The following GRIK4 variants were observed in gnomAD, a reference collection of about 807,000 sequenced individuals.
The protein encoded by GRIK4 is glutamate receptor ionotropic, kainate 4.
In GRIK4, 40 loss-of-function variants were observed where a neutral mutation model predicts 104.9. The ratio of observed to expected loss-of-function variants is 0.38; its 90% CI spans 0.30 to 0.50. GRIK4 has a LOEUF of 0.50. GRIK4 is among the 20% of genes least tolerant of loss of function. The probability of loss-of-function intolerance (pLI) is 0.93; values close to 1 mark genes in which losing one functional copy is unlikely to be tolerated. For missense variants in GRIK4, 1,047 were observed against 1,308.1 expected (o/e 0.80, Z 3.08); for synonymous variants, 485 against 524.9 (o/e 0.92, Z 1.04).
intron 4 of GRIK4, 63 bp from the exon 5 acceptor site, chr11:120,815,315 C>A: frequency 1.1e-6 from 1 of 929,812 alleles, no homozygotes; most frequent in East Asian, 2.7e-5. Flanking sequence ...AGGACTGGGC[C>A]ATGGCGCAAG....
intron 6 of GRIK4, among the ~76,000 whole-genome samples, 182 bp from the exon 7 acceptor site, chr11:120,831,670 T>C (rs961258243): frequency 3.3e-5 from 5 of 152,136 alleles, no homozygotes; most frequent in Non-Finnish European, 7.3e-5. Flanking sequence ...GATGGGATCA[T>C]TGAAGCCCAA....
chr11:120,931,908 A>G (rs1943489291), intron 13 of GRIK4, among the ~76,000 whole-genome samples: 1 of 152,058 alleles, frequency 6.6e-6, no homozygotes. Flanking sequence ...TGTGTGTTCT[A>G]GCCACTCTGG....
At chr11:120,855,638 G>A (rs1193027559) in intron 8 of GRIK4, among the ~76,000 whole-genome samples, 4 of 151,116 alleles carry the variant, frequency 2.6e-5, no homozygotes, top group South Asian at 2.1e-4. Context: ...GGCTCACTGC[G>A]ACTCTGCCTC....
At chr11:120,962,837 TTTA>T (rs1944315308) in intron 18 of GRIK4, 156 bp downstream of exon 18, 120 of 539,768 alleles carry the variant, frequency 2.2e-4, no homozygotes, top group Middle Eastern at 4.7e-4. Flanking sequence ...TTTTTTTTTT[TTTA>T]AAGCAAACAC....
chr11:120,533,987 A>G (rs1443501881), intron 1 of GRIK4, among the ~76,000 whole-genome samples: 1 of 152,276 alleles, frequency 6.6e-6, no homozygotes, highest in Non-Finnish European at 1.5e-5. Flanking sequence ...AAAAATAAAA[A>G]TAATCACTCT....
intron 3 of GRIK4, among the ~76,000 whole-genome samples, chr11:120,801,874 G>A (rs1349163466): frequency 2.0e-5 from 3 of 152,154 alleles, no homozygotes; most frequent in Non-Finnish European, 4.4e-5. Context: ...TTCCTTAAAA[G>A]CGAGGCAACT....
chr11:120,544,948 G>T (rs1948070904), intron 1 of GRIK4, among the ~76,000 whole-genome samples: 1 of 152,184 alleles, frequency 6.6e-6, no homozygotes, highest in South Asian at 2.1e-4. Flanking sequence ...CCCAGGGTGC[G>T]CTCAGTGTGG....
At position 120,953,735 on chromosome 11, in the gene GRIK4, G is replaced by A. The variant is rs1049255362; in HGVS notation, c.1700+771G>A. Among the ~76,000 whole-genome samples the A allele has an allele frequency of 4.6e-5, 7 of 152,192 alleles. No individual in the cohort carries two copies. The highest frequency in any genetic ancestry group is 1.2e-4 in the African/African-American group (5 of 41,450). ...GACTGTGCACAGCAAAGGTAGTTTC[G>A]CTCCAGGCCAAGGCTGTTGGGCCAG... On this transcript the variant is annotated intron_variant, in intron 15 of 20. Transcript: ENST00000527524. This position sits in a 1 kb window ranked among gnomAD's most constrained non-coding sequence, Gnocchi z 4.9.
chr11:120,838,574 A>T (rs1351387886), intron 8 of GRIK4, among the ~76,000 whole-genome samples: 1 of 152,220 alleles, frequency 6.6e-6, no homozygotes, highest in Non-Finnish European at 1.5e-5. Flanking sequence ...TGCTGGTTGA[A>T]TAATAGTCAA....
chr11:120,687,458 A>G (rs1315646871), intron 3 of GRIK4, among the ~76,000 whole-genome samples: 1 of 152,108 alleles, frequency 6.6e-6, no homozygotes, highest in East Asian at 1.9e-4. Context: ...TTTTTGGAAT[A>G]CATTTATCAC....
rs140512535 is a variant in GRIK4 at position 120,826,415 on chromosome 11, C to T, written c.512-5437C>T. ...ATGATCTCAGTCACTGAATTTCTCC[C>T]GCCCCAGCAATTCTGTCTTGACTCA... On this transcript the variant is annotated intron_variant, in intron 6 of 20. Transcript: ENST00000527524. Among the ~76,000 whole-genome samples the T allele has an allele frequency of 2.2e-4, 33 of 152,290 alleles. No individual in the cohort carries two copies. The East Asian group carries it at 3.5e-3, about 16-fold the overall frequency.
intron 3 of GRIK4, among the ~76,000 whole-genome samples, chr11:120,700,031 T>G (rs547466960): frequency 1.3e-5 from 2 of 152,314 alleles, no homozygotes; most frequent in South Asian, 4.1e-4. Flanking sequence ...CTTTATTGTG[T>G]ATATTTGGGG....
At chr11:120,841,170 TACATCC>T (rs1354659247) in intron 8 of GRIK4, among the ~76,000 whole-genome samples, 5 of 152,164 alleles carry the variant, frequency 3.3e-5, no homozygotes, top group Non-Finnish European at 7.3e-5. Flanking sequence ...TGGCATGAAG[TACATCC>T]ACATTGTTAT....
chr11:120,627,847 CATA>C (rs1352813207), intron 1 of GRIK4, among the ~76,000 whole-genome samples: 2 of 152,214 alleles, frequency 1.3e-5, no homozygotes, highest in African/African-American at 4.8e-5. Context: ...TTCTTCAAGT[CATA>C]ACATATTTCC....
intron 1 of GRIK4, among the ~76,000 whole-genome samples, chr11:120,523,658 C>T (rs2136075557): frequency 6.6e-6 from 1 of 152,342 alleles, no homozygotes; most frequent in East Asian, 1.9e-4. Context: ...GGTCACACAG[C>T]TGAACCTGGG....
rs775719156 is a variant in GRIK4, at chr11:120,952,921, C to T, written c.1657C>T (p.Leu553=). The T allele has an allele frequency of 1.2e-6, 2 of 1,613,972 alleles. No homozygotes were observed. The highest frequency in any genetic ancestry group is 1.7e-6 in the Non-Finnish European group (2 of 1,179,930). The stretch of plus-strand genomic sequence containing the variant: ...TCCGGGCGTCTGGCTCTTCATGCTT[C>T]TAGCCTATCTGGCCGTCAGCTGTGT... ...FSPGVWLFML[L]AYLAVSCVLF... The change falls in exon 15 of 21, where the codon CTA becomes TTA. Residue 553 remains leucine (L), a synonymous_variant. Coordinates refer to ENST00000527524, the MANE Select transcript of GRIK4 (RefSeq NM_014619.5). The surrounding 1 kb of genome is among the most constrained non-coding windows in gnomAD (Gnocchi z 5.2).
intron 1 of GRIK4, among the ~76,000 whole-genome samples, chr11:120,525,285 G>A (rs1268736451): frequency 6.6e-6 from 1 of 152,350 alleles, no homozygotes; most frequent in East Asian, 1.9e-4. Context: ...ACTTGCCTGA[G>A]ATCATGTGAC....
intron 1 of GRIK4, among the ~76,000 whole-genome samples, chr11:120,635,943 G>A (rs954967253): frequency 3.9e-5 from 6 of 152,196 alleles, no homozygotes. Flanking sequence ...CAGCCACTGT[G>A]ACCCCCAAGG....
At chr11:120,822,718 G>A (rs532407342) in intron 6 of GRIK4, among the ~76,000 whole-genome samples, 15 of 152,314 alleles carry the variant, frequency 9.8e-5, no homozygotes, top group Middle Eastern at 3.4e-3. Context: ...TTGATGATAC[G>A]TGTTTTGTGG....
Sources: allele counts gnomAD v4.1 joint callset (sites outside exome capture counted in the v4.1 genomes callset), GRCh38; gene constraint gnomAD v4.1.1; non-coding constraint Gnocchi (gnomAD v3.1); transcripts MANE v1.5; gene names NCBI Gene and HGNC (gene_info 2026-07-23, HGNC 2026-07-21).